Variants in OSBP2 observed in about 807,000 individuals in gnomAD.
OSBP2 encodes oxysterol binding protein 2, also known as oxysterol-binding protein 2.
A neutral mutation model predicts 96.0 loss-of-function variants in OSBP2; 66 were observed. The observed-to-expected ratio is 0.69, with a 90% CI of 0.56 to 0.84. OSBP2 has a LOEUF of 0.84. OSBP2 is among the 40% of genes least tolerant of loss of function. The pLI is 0.00. For missense variants in OSBP2, 1,038 were observed against 1,222.7 expected, an observed-to-expected ratio of 0.85 and a Z score of 2.25; for synonymous variants, 525 against 520.9, an observed-to-expected ratio of 1.01 and a Z score of -0.11.
chr22:30,840,349 G>A (rs1237222090), intron 2 of OSBP2, among the ~76,000 whole-genome samples: 2 of 151,400 alleles, frequency 1.3e-5, no homozygotes, highest in East Asian at 1.9e-4. Flanking sequence ...AGCTGAAACT[G>A]GATCCCTTCC....
intron 1 of OSBP2, among the ~76,000 whole-genome samples, chr22:30,716,081 G>A (rs1047059607): frequency 2.7e-5 from 4 of 146,272 alleles, no homozygotes; most frequent in Non-Finnish European, 4.5e-5. Context: ...CGCTCTTGTC[G>A]CCCAGGCTGG....
chr22:30,791,299 G>T (rs536134320), intron 2 of OSBP2, among the ~76,000 whole-genome samples: 95 of 144,014 alleles, frequency 6.6e-4, no homozygotes, highest in African/African-American at 2.3e-3. Context: ...GGCTGCAGGA[G>T]CTTATATATT....
In OSBP2 at chr22:30,741,198, A is replaced by G. The variant is rs759782742; in HGVS notation, c.682A>G (p.Ile228Val). The change falls in exon 2 of 14, where the codon ATC becomes GTC. Residue 228 changes from isoleucine to valine, a missense_variant. Ile to Val is a conservative substitution (Grantham distance 29). This residue lies in a region of OSBP2 where 281 missense variants were observed against 273.4 expected (regional missense o/e 1.03). Coordinates refer to ENST00000332585, the MANE Select transcript of OSBP2 (RefSeq NM_030758.4). Reference sequence around the variant, plus strand: ...AATGGCCCACACGTGCCGTGGAACCATCAACCTGTCCACCGCGCACATTGA... The same window carrying G: ...AATGGCCCACACGTGCCGTGGAACCGTCAACCTGTCCACCGCGCACATTGA... Reference protein sequence around the residue: ...GEMAHTCRGTINLSTAHIDTE... With the variant: ...GEMAHTCRGTVNLSTAHIDTE... 1.9e-6 allele frequency: 3 copies of G among 1,614,062 alleles called. No homozygotes were observed. In the African/African-American group the frequency reaches 4.0e-5, roughly 22 times the overall value.
At chr22:30,751,310 A>C (rs1235936468) in intron 2 of OSBP2, among the ~76,000 whole-genome samples, 1 of 151,730 alleles carries the variant, frequency 6.6e-6, no homozygotes, top group Non-Finnish European at 1.5e-5. Flanking sequence ...CTCTTCAAAT[A>C]TGTATGTGTT....
chr22:30,902,140 C>CAAAAAAAAAAAAAAAAAAAAAAAAAAAAA (rs1239083048), intron 12 of OSBP2: 4 of 253,948 alleles, frequency 1.6e-5, no homozygotes, highest in African/African-American at 8.7e-5. Context: ...AAAAAAAAAC[C>CAAAAAAAAAAAAAAAAAAAAAAAAAAAAA]AAAAAAAAAA....
At chr22:30,774,362 G>C (rs1490454461) in intron 2 of OSBP2, among the ~76,000 whole-genome samples, 1 of 152,088 alleles carries the variant, frequency 6.6e-6, no homozygotes, top group Non-Finnish European at 1.5e-5. Context: ...CAATAAAGTT[G>C]GGCCCTTCTC....
chr22:30,799,672 G>A (rs1444426252), intron 2 of OSBP2, among the ~76,000 whole-genome samples: 2 of 152,190 alleles, frequency 1.3e-5, no homozygotes, highest in African/African-American at 2.4e-5. Flanking sequence ...TTACTATTTC[G>A]ATAGAAGTGG....
intron 1 of OSBP2, 96 bp from the exon 2 acceptor site, chr22:30,741,065 G>T (rs2089931370): frequency 1.1e-6 from 1 of 952,126 alleles, no homozygotes; most frequent in East Asian, 2.6e-5. Context: ...CCAGCTCTGA[G>T]GGTCTGAGAT....
At chr22:30,806,613 G>A (rs1285150138) in intron 2 of OSBP2, among the ~76,000 whole-genome samples, 1 of 152,140 alleles carries the variant, frequency 6.6e-6, no homozygotes, top group Non-Finnish European at 1.5e-5. Context: ...TGGAGGTGTT[G>A]GGGGGAGGAG....
At position 30,695,092 on chromosome 22, in the gene OSBP2, G is replaced by C. The variant is rs950477094; in HGVS notation, c.183G>C (p.Glu61Asp). The change falls in exon 1 of 14, where the codon GAG becomes GAC. Residue 61 changes from glutamate (E) to aspartate (D), a missense_variant. By Grantham distance (45) the Glu-to-Asp change is conservative. This residue lies in a region of OSBP2 where 281 missense variants were observed against 273.4 expected (regional missense o/e 1.03). Transcript: ENST00000332585. ...KPQPQPVPEP[E>D]RGPLSEQVSE... ...AGCCCCAGCCCGTGCCCGAACCGGAGCGGGGACCGCTGTCAGAACAGGTGT... is the reference window on the plus strand; with the variant it reads ...AGCCCCAGCCCGTGCCCGAACCGGACCGGGGACCGCTGTCAGAACAGGTGT... The C allele has an allele frequency of 3.8e-6, 6 of 1,580,444 alleles. No homozygotes were observed. In the African/African-American group the frequency reaches 8.1e-5, roughly 21 times the overall value.
chr22:30,906,043 C>T lies in OSBP2; in HGVS notation c.2582C>T (p.Pro861Leu), dbSNP rs1025648073. The T allele has an allele frequency of 1.1e-5, 17 of 1,481,586 alleles. No homozygotes were observed. Among genetic ancestry groups the T allele is most frequent in the Admixed American group, 2.0e-5 (1 of 49,038 alleles). The allele number at this position is 1,481,586 out of a possible 1,614,324, so 91.8% of individuals were successfully genotyped here. A position where few individuals can be genotyped will look rare whatever the true frequency, so the allele number is the denominator to read the frequency against. Residue 861 changes from proline to leucine, a missense_variant, in exon 13 of 14, where the codon CCG becomes CTG. Pro to Leu is a moderately conservative substitution (Grantham distance 98, BLOSUM62 -3). Coordinates refer to ENST00000332585, the MANE Select transcript of OSBP2 (RefSeq NM_030758.4). The part of the protein sequence containing the change: ...SRRRRLEACG[P>L]GSSCSSEEEK... ...CGCCGGCGGCTGGAGGCCTGCGGGCCGGGCAGCAGCTGCAGCTCGGAGGAA... is the reference window on the plus strand; with the variant it reads ...CGCCGGCGGCTGGAGGCCTGCGGGCTGGGCAGCAGCTGCAGCTCGGAGGAA...
At chr22:30,808,864 G>T (rs555384184) in intron 2 of OSBP2, among the ~76,000 whole-genome samples, 1 of 152,170 alleles carries the variant, frequency 6.6e-6, no homozygotes, top group Non-Finnish European at 1.5e-5. Context: ...TGAGGCAGGA[G>T]AATCACTTGA....
intron 2 of OSBP2, among the ~76,000 whole-genome samples, chr22:30,842,938 C>A (rs1270904406): frequency 2.6e-5 from 4 of 152,080 alleles, no homozygotes; most frequent in African/African-American, 4.8e-5. Flanking sequence ...TGCCACCACA[C>A]CTGGCTAATT....
intron 2 of OSBP2, among the ~76,000 whole-genome samples, chr22:30,791,477 C>T (rs1329649924): frequency 6.6e-6 from 1 of 151,706 alleles, no homozygotes; most frequent in Non-Finnish European, 1.5e-5. Flanking sequence ...CAGGCGTGTG[C>T]CCCCAAACCT....
chr22:30,904,276 A>G (rs2040281740), intron 12 of OSBP2, among the ~76,000 whole-genome samples: 1 of 152,216 alleles, frequency 6.6e-6, no homozygotes, highest in South Asian at 2.1e-4. Flanking sequence ...CGCAATCCAC[A>G]GAACTCTCTC....
chr22:30,900,743 C>T (rs115858437), intron 12 of OSBP2, among the ~76,000 whole-genome samples: 3,988 of 152,198 alleles, frequency 0.026, 178 homozygotes, highest in African/African-American at 0.089. Context: ...CCCTCCCTCA[C>T]GTTATAAAGA....
At chr22:30,808,685 T>G (rs1394068007) in intron 2 of OSBP2, among the ~76,000 whole-genome samples, 1 of 152,194 alleles carries the variant, frequency 6.6e-6, no homozygotes, top group Non-Finnish European at 1.5e-5. Flanking sequence ...CCGGGCGTGG[T>G]GGCTGACACC....
At chr22:30,712,736 C>A (rs2089373981) in intron 1 of OSBP2, among the ~76,000 whole-genome samples, 1 of 152,088 alleles carries the variant, frequency 6.6e-6, no homozygotes, top group Admixed American at 6.6e-5. Context: ...CACTGTTCAT[C>A]ATTTCTGTCC....
intron 2 of OSBP2, among the ~76,000 whole-genome samples, chr22:30,836,250 T>A (rs2038630043): frequency 6.6e-6 from 1 of 152,136 alleles, no homozygotes; most frequent in Non-Finnish European, 1.5e-5. Flanking sequence ...GTAGTTCAAG[T>A]CCCCCTGCTC....
Sources: gnomAD v4.1 joint callset for allele counts (sites outside exome capture counted in the v4.1 genomes callset) on GRCh38, gnomAD v4.1.1 for gene constraint, gnomAD v4.1.1 regional missense constraint, MANE v1.5 for transcripts, NCBI Gene and HGNC (gene_info 2026-07-23, HGNC 2026-07-21) for gene names.